NEXN: variants seen among roughly 807,000 people sequenced by gnomAD.
NEXN encodes nexilin F-actin binding protein.
A neutral mutation model predicts 92.6 loss-of-function variants in NEXN; 65 were observed. That is an observed-to-expected ratio of 0.70 (90% CI 0.57 to 0.86). The LOEUF is 0.86. Among genes scored for constraint, NEXN ranks in the 40% least tolerant of loss-of-function variants. NEXN has a pLI of 0.00. For missense variants in NEXN, 778 were observed against 771.1 expected (o/e 1.01, Z -0.11); for synonymous variants, 254 against 242.5 (o/e 1.05, Z -0.44).
rs1388911018 is a variant in NEXN at position 77,942,718 on chromosome 1, T to C, written c.1917T>C (p.Leu639=). ...TTGAAAGGGGAGAAACTTACTGCCT[T>C]TACTTACCAGAAACTTTCCCAGAAG... is the stretch of plus-strand genomic sequence containing the variant. ...QYIERGETYC[L]YLPETFPEDG... Residue 639 remains leucine, a synonymous_variant, in exon 13 of 13, where the codon CTT becomes CTC. Transcript: ENST00000334785. The C allele has an allele frequency of 6.2e-7, 1 of 1,613,760 alleles. No individual in the cohort carries two copies. Among genetic ancestry groups the C allele is most frequent in the East Asian group, 2.2e-5 (1 of 44,876 alleles).
intron 5 of NEXN, among the ~76,000 whole-genome samples, chr1:77,924,613 C>T (rs1041949283): frequency 5.9e-5 from 9 of 151,898 alleles, no homozygotes; most frequent in African/African-American, 2.2e-4. Flanking sequence ...GTCTGTTATT[C>T]AGTTTCTGGG....
intron 1 of NEXN, among the ~76,000 whole-genome samples, chr1:77,906,635 G>A (rs1648132627): frequency 6.6e-6 from 1 of 152,002 alleles, no homozygotes; most frequent in Non-Finnish European, 1.5e-5. Context: ...TATGTCATTT[G>A]TTCTAAAGTT....
intron 1 of NEXN, among the ~76,000 whole-genome samples, chr1:77,911,333 TG>T (rs1182023007): frequency 6.6e-6 from 1 of 152,220 alleles, no homozygotes; most frequent in African/African-American, 2.4e-5. Context: ...GGCTCACGCC[TG>T]TAATCCCAAC....
intron 1 of NEXN, among the ~76,000 whole-genome samples, chr1:77,910,821 A>G (rs1450578636): frequency 6.6e-6 from 1 of 151,934 alleles, no homozygotes; most frequent in Non-Finnish European, 1.5e-5. Flanking sequence ...AGAATACAAA[A>G]ACTGTATTTT....
intron 5 of NEXN, among the ~76,000 whole-genome samples, chr1:77,923,214 G>C (rs140406874): frequency 0.012 from 1,764 of 146,854 alleles, 30 homozygotes; most frequent in African/African-American, 0.042. Flanking sequence ...GCCCAGGTTG[G>C]TCTTGAACTC....
At chr1:77,901,501 C>A (rs185334863) in intron 1 of NEXN, among the ~76,000 whole-genome samples, 6 of 152,064 alleles carry the variant, frequency 3.9e-5, no homozygotes, top group East Asian at 3.9e-4. Context: ...CTCTTAGAAC[C>A]ACATGTTCAA....
At chr1:77,893,818 A>G (rs887150634) in intron 1 of NEXN, among the ~76,000 whole-genome samples, 1 of 151,484 alleles carries the variant, frequency 6.6e-6, no homozygotes, top group Admixed American at 6.6e-5. Flanking sequence ...GATTCAAAAG[A>G]TTCTTGATTT....
chr1:77,888,850 A>C (rs574360995), intron 1 of NEXN, 91 bp downstream of exon 1: 1 of 153,408 alleles, frequency 6.5e-6, no homozygotes, highest in African/African-American at 2.4e-5. Context: ...CGGCGGCTGC[A>C]GAGAGGCGCT....
At chr1:77,917,449 C>A in intron 2 of NEXN, 117 bp from the exon 3 acceptor site, 2 of 793,508 alleles carry the variant, frequency 2.5e-6, no homozygotes, top group Non-Finnish European at 2.1e-6. Flanking sequence ...GGTTCAAACA[C>A]ATTTCTATTT....
At chr1:77,911,356 C>T (rs1242500568) in intron 1 of NEXN, among the ~76,000 whole-genome samples, 2 of 152,174 alleles carry the variant, frequency 1.3e-5, no homozygotes, top group Non-Finnish European at 2.9e-5. Flanking sequence ...CTTTCAGAGG[C>T]CAAGACAGGT....
intron 2 of NEXN, among the ~76,000 whole-genome samples, chr1:77,916,698 A>T (rs1169136007): frequency 6.6e-6 from 1 of 152,172 alleles, no homozygotes; most frequent in Non-Finnish European, 1.5e-5. Context: ...TTAATTAAGT[A>T]ATTGTCATTA....
At chr1:77,931,066 TA>T (rs1198552681) in intron 9 of NEXN, among the ~76,000 whole-genome samples, 1 of 152,038 alleles carries the variant, frequency 6.6e-6, no homozygotes, top group Non-Finnish European at 1.5e-5. Context: ...TGAATGCACT[TA>T]ATTTTTGGAG....
intron 1 of NEXN, among the ~76,000 whole-genome samples, chr1:77,909,691 T>C (rs935192160): frequency 2.0e-5 from 3 of 152,188 alleles, no homozygotes; most frequent in African/African-American, 7.2e-5. Flanking sequence ...CAGGGAATCA[T>C]GTCCCATCCT....
chr1:77,919,969 G>T (rs1649294935), intron 5 of NEXN, among the ~76,000 whole-genome samples: 1 of 151,420 alleles, frequency 6.6e-6, no homozygotes, highest in South Asian at 2.1e-4. Context: ...GCAAAATCTC[G>T]GCTCACTGCA....
chr1:77,935,287 C>T (rs1261406268), intron 10 of NEXN, among the ~76,000 whole-genome samples: 1 of 152,198 alleles, frequency 6.6e-6, no homozygotes, highest in Non-Finnish European at 1.5e-5. Context: ...ATCTGCCTAC[C>T]TTGGCCTCCC....
At position 77,942,051 on chromosome 1, in the gene NEXN, G is replaced by T; in HGVS notation, c.1502G>T (p.Arg501Ile). The T allele has an allele frequency of 6.2e-7, 1 of 1,613,322 alleles. No homozygotes were observed. The highest frequency in any genetic ancestry group is 8.5e-7 in the Non-Finnish European group (1 of 1,179,520). The change falls in exon 12 of 13, where the codon AGA becomes ATA. Residue 501 changes from arginine (R) to isoleucine (I), a missense_variant. Physicochemically the swap from Arg to Ile is moderately conservative, Grantham distance 97. This residue lies in a region of NEXN where 532 missense variants were observed against 476.7 expected (regional missense o/e 1.12). Transcript: ENST00000334785. ...GATGATGTTGATGTTAGGCCTGCAA[G>T]AAAAAGCGAGGCTCCATTTACTCAC... ...EEDDVDVRPARKSEAPFTHKV... is the reference protein window; with the variant it reads ...EEDDVDVRPAIKSEAPFTHKV...
At chr1:77,910,491 G>A (rs909819977) in intron 1 of NEXN, among the ~76,000 whole-genome samples, 8 of 152,140 alleles carry the variant, frequency 5.3e-5, no homozygotes, top group Admixed American at 2.0e-4. Context: ...GGTGGCTAAC[G>A]CCTGTAATCC....
At chr1:77,927,784 A>T (rs1019422984) in intron 8 of NEXN, among the ~76,000 whole-genome samples, 11 of 152,032 alleles carry the variant, frequency 7.2e-5, no homozygotes, top group Admixed American at 7.2e-4. Context: ...AAAATGGTAA[A>T]AATGAAAGCG....
rs181746351 is a variant in NEXN, at chr1:77,918,395, C to T, written c.447+122C>T. ...ATAAACCTATTAAAAAGCAGCTAAC[C>T]GTCTGGGAATGGTGGCTCACCTCTG... On this transcript the variant is annotated intron_variant, in intron 5 of 12. Coordinates refer to ENST00000334785, the MANE Select transcript of NEXN (RefSeq NM_144573.4). 1.2e-4 allele frequency: 136 copies of T among 1,176,262 alleles called. 3 individuals are homozygous for T. Among genetic ancestry groups the T allele is most frequent in the Admixed American group, 6.0e-4 (32 of 53,010 alleles). 72.9% of individuals were successfully genotyped at this position (1,176,262 alleles called of 1,614,324 possible).
Sources: gnomAD v4.1 joint callset for allele counts (sites outside exome capture counted in the v4.1 genomes callset) on GRCh38, gnomAD v4.1.1 for gene constraint, gnomAD v4.1.1 regional missense constraint, MANE v1.5 for transcripts, NCBI Gene and HGNC (gene_info 2026-07-23, HGNC 2026-07-21) for gene names.